Variants in LRMDA observed in about 807,000 individuals in gnomAD.
LRMDA encodes leucine-rich melanocyte differentiation-associated protein.
LRMDA carries 18 observed loss-of-function variants against 29.8 expected under a neutral mutation model. The ratio of observed to expected loss-of-function variants is 0.60; its 90% CI spans 0.42 to 0.90. The LOEUF (loss-of-function observed/expected upper bound fraction) is 0.90, where lower values mean the gene tolerates loss of function less well. Ranked by LOEUF, LRMDA falls within the 40% of genes least tolerant of loss-of-function variation. LRMDA has a pLI of 0.00. For missense variants in LRMDA, 273 were observed against 273.9 expected (o/e 1.00, Z 0.02); for synonymous variants, 125 against 109.4 (o/e 1.14, Z -0.89).
At chr10:76,505,668 A>G (rs1264302164) in intron 6 of LRMDA, among the ~76,000 whole-genome samples, 1 of 152,010 alleles carries the variant, frequency 6.6e-6, no homozygotes, top group Admixed American at 6.6e-5. Context: ...GGATCATTTT[A>G]CTGGATTCCG....
chr10:75,911,719 C>A (rs1390198109), intron 2 of LRMDA, among the ~76,000 whole-genome samples: 1 of 152,174 alleles, frequency 6.6e-6, no homozygotes, highest in Admixed American at 6.5e-5. Flanking sequence ...TATGCTGTGG[C>A]TATCTACTGT....
intron 6 of LRMDA, among the ~76,000 whole-genome samples, chr10:76,413,680 T>G (rs778590623): frequency 3.3e-5 from 5 of 152,062 alleles, no homozygotes; most frequent in African/African-American, 2.4e-5. Context: ...AGTATAAAAT[T>G]TATCTATTTT....
intron 2 of LRMDA, among the ~76,000 whole-genome samples, chr10:75,575,636 A>C (rs1435062292): frequency 6.6e-6 from 1 of 152,188 alleles, no homozygotes; most frequent in African/African-American, 2.4e-5. Context: ...TTGATGCAGA[A>C]GGCGAGTGAT....
At chr10:76,022,681 C>T (rs886424774) in intron 2 of LRMDA, among the ~76,000 whole-genome samples, 4 of 152,110 alleles carry the variant, frequency 2.6e-5, no homozygotes, top group Admixed American at 2.0e-4. Context: ...AAGCCTTCCC[C>T]ACCAGGCCTC....
rs368878846 is a variant in LRMDA, at chr10:76,505,991, G to A, written c.602-51218G>A. 4.4e-4 allele frequency among the ~76,000 whole-genome samples: 67 copies of A among 152,168 alleles called. No homozygotes were observed. In the South Asian group the frequency reaches 0.014, roughly 31 times the overall value. ...CTGTACAGGATCTGTACTTAAAGCT[G>A]GATTTTTGCCCCTTCTCTAGGAGCT... On this transcript the variant is annotated intron_variant, in intron 6 of 6. Coordinates refer to ENST00000611255, the MANE Select transcript of LRMDA (RefSeq NM_001305581.2).
At chr10:76,288,333 A>G (rs985293277) in intron 5 of LRMDA, among the ~76,000 whole-genome samples, 7 of 152,154 alleles carry the variant, frequency 4.6e-5, no homozygotes. Flanking sequence ...AGACACATGC[A>G]CGTGTGTGTT....
At chr10:76,172,623 A>G (rs978814208) in intron 5 of LRMDA, among the ~76,000 whole-genome samples, 2 of 152,190 alleles carry the variant, frequency 1.3e-5, no homozygotes, top group African/African-American at 4.8e-5. Context: ...GAAACTCTCT[A>G]AAGGAGCAGA....
chr10:75,862,296 T>C (rs952150015), intron 2 of LRMDA, among the ~76,000 whole-genome samples: 1 of 152,140 alleles, frequency 6.6e-6, no homozygotes, highest in African/African-American at 2.4e-5. Flanking sequence ...TTCAGGCTAC[T>C]TTATCAGGAA....
At chr10:75,627,803 A>G (rs1206233707) in intron 2 of LRMDA, among the ~76,000 whole-genome samples, 1 of 152,226 alleles carries the variant, frequency 6.6e-6, no homozygotes, top group Non-Finnish European at 1.5e-5. Flanking sequence ...GGGAGATTTC[A>G]GATGTATTCA....
rs188018460 is a variant in LRMDA at position 75,828,931 on chromosome 10, G to A, written c.132-207077G>A. 5.8e-3 allele frequency among the ~76,000 whole-genome samples: 887 copies of A among 152,242 alleles called. 12 individuals carry two copies. The highest frequency in any genetic ancestry group is 0.02 in the African/African-American group (831 of 41,532). On this transcript the variant is annotated intron_variant, in intron 2 of 6. Coordinates refer to ENST00000611255, the MANE Select transcript of LRMDA (RefSeq NM_001305581.2). ...TGGAATTGGGGAAACAAGGGGGTGG[G>A]AAAAGCCTTCTGGGGTCAGCTGTCC...
At chr10:75,797,351 A>G (rs1239982811) in intron 2 of LRMDA, among the ~76,000 whole-genome samples, 1 of 152,126 alleles carries the variant, frequency 6.6e-6, no homozygotes, top group Non-Finnish European at 1.5e-5. Flanking sequence ...TTTTCTCTTA[A>G]CTAATCTTGC....
At chr10:75,953,883 G>T (rs1230226615) in intron 2 of LRMDA, among the ~76,000 whole-genome samples, 1 of 152,144 alleles carries the variant, frequency 6.6e-6, no homozygotes, top group Non-Finnish European at 1.5e-5. Context: ...ACATGGAGTG[G>T]TGGATCTTAA....
intron 5 of LRMDA, among the ~76,000 whole-genome samples, chr10:76,094,433 G>A (rs1040017137): frequency 1.3e-5 from 2 of 151,996 alleles, no homozygotes; most frequent in African/African-American, 2.4e-5. Flanking sequence ...GTTTCTTTAT[G>A]ATCTCCTTTT....
chr10:76,021,187 G>A (rs1847969008), intron 2 of LRMDA, among the ~76,000 whole-genome samples: 1 of 152,216 alleles, frequency 6.6e-6, no homozygotes, highest in South Asian at 2.1e-4. Flanking sequence ...AGTCCTTTGG[G>A]TATTCAGTCT....
At chr10:75,877,349 A>G (rs1448141529) in intron 2 of LRMDA, among the ~76,000 whole-genome samples, 4 of 152,324 alleles carry the variant, frequency 2.6e-5, no homozygotes, top group Non-Finnish European at 2.9e-5. Flanking sequence ...TGATTTAAGC[A>G]TCCTCCAAAG....
intron 2 of LRMDA, among the ~76,000 whole-genome samples, chr10:75,874,925 C>G (rs1012940130): frequency 2.6e-5 from 4 of 152,238 alleles, no homozygotes; most frequent in Non-Finnish European, 5.9e-5. Context: ...TTCAGTGAGC[C>G]TAAGGCCATC....
At chr10:76,191,308 G>A (rs904846328) in intron 5 of LRMDA, among the ~76,000 whole-genome samples, 32 of 152,198 alleles carry the variant, frequency 2.1e-4, no homozygotes, top group African/African-American at 7.7e-4. Context: ...ATAGATCCTG[G>A]ATGGTGTTGA....
At chr10:75,728,254 C>T (rs1355609219) in intron 2 of LRMDA, among the ~76,000 whole-genome samples, 3 of 152,104 alleles carry the variant, frequency 2.0e-5, no homozygotes, top group African/African-American at 4.8e-5. Context: ...TCTCTAGCTA[C>T]AGTAGAAAAG....
At chr10:75,893,748 C>T (rs527431201) in intron 2 of LRMDA, among the ~76,000 whole-genome samples, 9 of 152,050 alleles carry the variant, frequency 5.9e-5, no homozygotes, top group Non-Finnish European at 1.0e-4. Flanking sequence ...AGCCTGGCCA[C>T]GATGGGGAAA....
Sources: gnomAD v4.1 joint callset for allele counts (sites outside exome capture counted in the v4.1 genomes callset) on GRCh38, gnomAD v4.1.1 for gene constraint, MANE v1.5 for transcripts, NCBI Gene and HGNC (gene_info 2026-07-23, HGNC 2026-07-21) for gene names.